C2orf74: variants seen among roughly 807,000 people sequenced by gnomAD.
The protein encoded by C2orf74 is DPM1 ER membrane anchor 1, also known as uncharacterized protein C2orf74.
C2orf74 carries 14 observed loss-of-function variants against 17.9 expected under a neutral mutation model. That is an observed-to-expected ratio of 0.78 (90% CI 0.52 to 1.22). The LOEUF (loss-of-function observed/expected upper bound fraction) is 1.22. C2orf74 is among the 50% of genes most tolerant of loss of function. The pLI, the probability that C2orf74 is intolerant of heterozygous loss-of-function variation, is 0.00. For synonymous variants in C2orf74, 79 were observed against 72.6 expected (o/e 1.09, Z -0.44); for missense variants, 217 against 218.4 (o/e 0.99, Z 0.04).
intron 1 of C2orf74, among the ~76,000 whole-genome samples, chr2:61,155,066 A>G (rs1000954693): frequency 6.6e-6 from 1 of 152,158 alleles, no homozygotes; most frequent in Non-Finnish European, 1.5e-5. Flanking sequence ...CTCTGTCTCA[A>G]AAAAAGAAAA....
intron 1 of C2orf74, among the ~76,000 whole-genome samples, chr2:61,147,486 C>A (rs1685105015): frequency 1.3e-5 from 2 of 152,222 alleles, no homozygotes; most frequent in African/African-American, 4.8e-5. Context: ...CCTCTTGCTG[C>A]ATGTCCTCAC....
chr2:61,159,067 GC>G (rs1476349421), upstream of C2orf74, among the ~76,000 whole-genome samples: 1 of 152,116 alleles, frequency 6.6e-6, no homozygotes, highest in Non-Finnish European at 1.5e-5. Context: ...TGCAATCTCA[GC>G]TCACTGCAAC....
At chr2:61,150,813 T>G (rs1203321848) in intron 1 of C2orf74, among the ~76,000 whole-genome samples, 1 of 152,194 alleles carries the variant, frequency 6.6e-6, no homozygotes, top group Non-Finnish European at 1.5e-5. Context: ...ATCTCAAGAT[T>G]GGCTACTTTG....
At chr2:61,150,025 A>T (rs1289215835) in intron 1 of C2orf74, among the ~76,000 whole-genome samples, 1 of 152,120 alleles carries the variant, frequency 6.6e-6, no homozygotes, top group Non-Finnish European at 1.5e-5. Context: ...GGTAGGTGTT[A>T]TGGTCATGTT....
At chr2:61,161,339 A>G (rs1685557402), upstream of C2orf74, among the ~76,000 whole-genome samples, 2 of 152,244 alleles carry the variant, frequency 1.3e-5, no homozygotes, top group South Asian at 4.1e-4. Context: ...TTTTCTCACC[A>G]TTGAATATGA....
At chr2:61,152,507 C>G (rs1466342890) in intron 1 of C2orf74, among the ~76,000 whole-genome samples, 1 of 149,626 alleles carries the variant, frequency 6.7e-6, no homozygotes, top group Non-Finnish European at 1.5e-5. Context: ...TGCCATTGCA[C>G]TCCAGCCTGG....
intron 1 of C2orf74, among the ~76,000 whole-genome samples, chr2:61,152,586 C>T (rs113638527): frequency 5.6e-5 from 8 of 144,102 alleles, no homozygotes; most frequent in Admixed American, 1.4e-4. Context: ...CAGTGGCTCA[C>T]GCCTGTAATC....
chr2:61,157,955 C>T (rs1242550029), upstream of C2orf74: 4 of 471,162 alleles, frequency 8.5e-6, no homozygotes, highest in African/African-American at 2.0e-5. Context: ...GCTGCAGATC[C>T]TGTCACCACG....
At position 61,153,574 on chromosome 2, in the gene C2orf74, G is replaced by A. The variant is rs545727102; in HGVS notation, c.-122+8378G>A. Reference sequence around the variant, plus strand: ...TGGGATTACAGGTGTGAGCCACCGCGCCTGGCCAAAGGTGTGAAATTTAAA... The same window carrying A: ...TGGGATTACAGGTGTGAGCCACCGCACCTGGCCAAAGGTGTGAAATTTAAA... On this transcript the variant is annotated intron_variant, in intron 1 of 3. Transcript: ENST00000426997. Among the ~76,000 whole-genome samples, 8 of 148,574 alleles carry A rather than the reference G, an allele frequency of 5.4e-5. No homozygotes were observed. The East Asian group carries it at 8.8e-4, about 16-fold the overall frequency.
At chr2:61,151,419 C>T (rs1027523783) in intron 1 of C2orf74, 9 of 148,974 alleles carry the variant, frequency 6.0e-5, no homozygotes, top group African/African-American at 2.2e-4. Context: ...CAAGTGACTC[C>T]AAAACTTAGC....
intron 1 of C2orf74, among the ~76,000 whole-genome samples, chr2:61,153,122 T>C (rs934413720): frequency 5.3e-5 from 7 of 131,452 alleles, no homozygotes; most frequent in African/African-American, 1.8e-4. Flanking sequence ...ATTGCACTCC[T>C]GGGCAACAAG....
chr2:61,150,878 C>T (rs1559176735), intron 1 of C2orf74, among the ~76,000 whole-genome samples: 3 of 152,156 alleles, frequency 2.0e-5, no homozygotes, highest in South Asian at 2.1e-4. Context: ...GGAATGTTGT[C>T]TCCTGAGGTG....
At chr2:61,154,726 C>T (rs1416443987) in intron 1 of C2orf74, among the ~76,000 whole-genome samples, 1 of 152,116 alleles carries the variant, frequency 6.6e-6, no homozygotes, top group Non-Finnish European at 1.5e-5. Context: ...GGTTACCAAT[C>T]ATGGGCCATG....
At chr2:61,151,215 C>T (rs1685218537) in intron 1 of C2orf74, among the ~76,000 whole-genome samples, 1 of 149,560 alleles carries the variant, frequency 6.7e-6, no homozygotes, top group Non-Finnish European at 1.5e-5. Flanking sequence ...ACTTGGGAGG[C>T]TGAGGCAGGA....
chr2:61,159,318 A>T (rs1324195359), upstream of C2orf74: 5 of 384,904 alleles, frequency 1.3e-5, no homozygotes, highest in South Asian at 9.4e-5. Flanking sequence ...TTTTTTCAAG[A>T]TGGAGTCTCG....
At chr2:61,157,372 C>G (rs1182930755), upstream of C2orf74, among the ~76,000 whole-genome samples, 1 of 152,130 alleles carries the variant, frequency 6.6e-6, no homozygotes, top group Non-Finnish European at 1.5e-5. Context: ...CTCAAGAAGT[C>G]AGATCAGGAA....
intron 1 of C2orf74, among the ~76,000 whole-genome samples, chr2:61,155,128 C>A (rs1483570974): frequency 1.3e-5 from 2 of 152,028 alleles, no homozygotes; most frequent in Non-Finnish European, 2.9e-5. Flanking sequence ...AGCAAGTTCC[C>A]AATAAAAATA....
At chr2:61,150,935 A>G (rs1219271050) in intron 1 of C2orf74, among the ~76,000 whole-genome samples, 7 of 152,154 alleles carry the variant, frequency 4.6e-5, no homozygotes, top group African/African-American at 1.4e-4. Flanking sequence ...TTAGTTTCAT[A>G]TCAAAGGGAT....
At chr2:61,162,093 C>T (rs1685578468), upstream of C2orf74, 1 of 172,740 alleles carries the variant, frequency 5.8e-6, no homozygotes, top group Non-Finnish European at 1.2e-5. Context: ...CTGGGTTGGA[C>T]TGGCTCTCTG....
Sources: gnomAD v4.1 joint callset for allele counts (sites outside exome capture counted in the v4.1 genomes callset) on GRCh38, gnomAD v4.1.1 for gene constraint, MANE v1.5 for transcripts, NCBI Gene and HGNC (gene_info 2026-07-23, HGNC 2026-07-21) for gene names.